CCDC138: variants seen among roughly 807,000 people sequenced by gnomAD.
CCDC138 encodes the protein coiled-coil domain-containing protein 138.
Under a neutral mutation model 82.3 loss-of-function variants are expected in CCDC138, and 66 were observed. The observed-to-expected ratio is 0.80, with a 90% CI of 0.66 to 0.98. CCDC138 has a LOEUF of 0.98. Ranked by LOEUF, CCDC138 falls within the 50% of genes least tolerant of loss-of-function variation. CCDC138 has a pLI of 0.00. For synonymous variants in CCDC138, 297 were observed against 265.4 expected, an observed-to-expected ratio of 1.12 and a Z score of -1.16; for missense variants, 816 against 758.9, an observed-to-expected ratio of 1.08 and a Z score of -0.88.
intron 12 of CCDC138, among the ~76,000 whole-genome samples, chr2:108,855,139 T>A (rs1692366367): frequency 6.6e-6 from 1 of 152,196 alleles, no homozygotes; most frequent in Non-Finnish European, 1.5e-5. Flanking sequence ...TAAATTGCTC[T>A]TGTATTTAGA....
chr2:108,812,672 G>A lies in CCDC138; in HGVS notation c.897G>A (p.Gln299=). The A allele has an allele frequency of 1.2e-6, 2 of 1,613,018 alleles. No homozygotes were observed. The highest frequency in any genetic ancestry group is 1.7e-6 in the Non-Finnish European group (2 of 1,179,098). The change falls in exon 8 of 15, where the codon CAG becomes CAA. Residue 299 remains glutamine (Q), a synonymous_variant. Transcript: ENST00000295124. ...ASEENRKIDI[Q]AKRVQARLDN... ...AAGAAAACAGGAAGATAGACATTCA[G>A]GCTAAAAGAGTTCAAGCTCGTTTAG...
chr2:108,852,321 A>G (rs1193002659), intron 12 of CCDC138, among the ~76,000 whole-genome samples: 2 of 152,234 alleles, frequency 1.3e-5, no homozygotes, highest in Admixed American at 1.3e-4. Flanking sequence ...AAATTAGTTC[A>G]GCCATTGTGG....
At chr2:108,802,839 AGG>A (rs1306199248) in intron 6 of CCDC138, among the ~76,000 whole-genome samples, 2 of 152,156 alleles carry the variant, frequency 1.3e-5, no homozygotes, top group African/African-American at 2.4e-5. Context: ...TTCAGCATGA[AGG>A]GTTGTTGAAT....
At chr2:108,812,570 C>T in intron 7 of CCDC138, 61 bp from the exon 8 acceptor site, 1 of 1,241,754 alleles carries the variant, frequency 8.1e-7, no homozygotes, top group Non-Finnish European at 1.2e-6. Flanking sequence ...GATTGGGAAA[C>T]CCTTAGTATG....
chr2:108,819,134 G>A (rs780440295), intron 10 of CCDC138, among the ~76,000 whole-genome samples: 40 of 152,206 alleles, frequency 2.6e-4, no homozygotes, highest in Non-Finnish European at 4.7e-4. Flanking sequence ...GAAACACCAA[G>A]TTAATTGCAA....
intron 5 of CCDC138, 148 bp from the exon 6 acceptor site, chr2:108,798,280 C>A: frequency 1.5e-6 from 1 of 683,130 alleles, no homozygotes; most frequent in Non-Finnish European, 2.5e-6. Context: ...ACTTGCTATA[C>A]TAGTCTAGCT....
At chr2:108,868,800 A>AG (rs1457423046) in intron 13 of CCDC138, among the ~76,000 whole-genome samples, 3 of 152,202 alleles carry the variant, frequency 2.0e-5, no homozygotes, top group African/African-American at 7.2e-5. Context: ...GAAAACTTGA[A>AG]GAAAAAAAAG....
At chr2:108,833,245 CTT>C (rs369334789) in intron 10 of CCDC138, among the ~76,000 whole-genome samples, 18 of 152,222 alleles carry the variant, frequency 1.2e-4, no homozygotes, top group African/African-American at 4.3e-4. Context: ...AAACTATAGA[CTT>C]TAGTTAATCA....
Position 108,815,926 on chromosome 2 carries a change from A to G in CCDC138, c.1042-15A>G, listed in dbSNP as rs1221638291. 1 of 1,580,916 alleles carries G rather than the reference A, an allele frequency of 6.3e-7. No individual in the cohort carries two copies. The highest frequency in any genetic ancestry group is 2.0e-5 in the Admixed American group (1 of 51,166). On this transcript the variant is annotated splice_polypyrimidine_tract_variant and intron_variant, in intron 9 of 14. Coordinates refer to ENST00000295124, the MANE Select transcript of CCDC138 (RefSeq NM_144978.3). ...GTTGTGAACTGAAATAAATGATTTA[A>G]TTTTTGACATATAGGTACCACTTAA...
At chr2:108,844,157 A>G (rs193121706) in intron 11 of CCDC138, among the ~76,000 whole-genome samples, 4 of 151,456 alleles carry the variant, frequency 2.6e-5, no homozygotes, top group Admixed American at 6.6e-5. Context: ...CACCGCCCCC[A>G]GTTTCTTCAA....
intron 10 of CCDC138, among the ~76,000 whole-genome samples, chr2:108,823,802 C>T (rs1686106544): frequency 6.6e-6 from 1 of 152,114 alleles, no homozygotes; most frequent in Non-Finnish European, 1.5e-5. Context: ...CAATGTGAAA[C>T]TCCGTTTTTA....
Position 108,846,751 on chromosome 2 carries a change from C to T in CCDC138, c.1337C>T (p.Thr446Ile). ...LDAGAQHSTM[T>I]STLRRLGEDI... is the part of the protein sequence containing the mutation. ...TATTTTTAACAGCACTCGACTATGA[C>T]ATCAACATTGAGGAGATTGGGTGAA... The change falls in exon 12 of 15, where the codon ACA (threonine) becomes ATA (isoleucine). Residue 446 changes from threonine to isoleucine, a missense_variant. Coordinates refer to ENST00000295124, the MANE Select transcript of CCDC138 (RefSeq NM_144978.3). 4 of 1,609,728 alleles carry T rather than the reference C, an allele frequency of 2.5e-6. No individual in the cohort carries two copies. The highest frequency in any genetic ancestry group is 3.4e-6 in the Non-Finnish European group (4 of 1,177,876).
chr2:108,794,784 C>T lies in CCDC138; in HGVS notation c.576+63C>T, dbSNP rs1232511670. 2.3e-5 allele frequency: 28 copies of T among 1,230,716 alleles called. No homozygotes were observed. In the East Asian group the frequency reaches 2.7e-4, roughly 12 times the overall value. The allele number at this position is 1,230,716 out of a possible 1,614,324, so 76.2% of individuals were successfully genotyped here. The stretch of plus-strand genomic sequence containing the variant: ...TTATGTTCTAAGAACCAAGCATTTA[C>T]GAAATTTGAATATAATATATTTCAT... On this transcript the variant is annotated intron_variant, in intron 5 of 14. Transcript: ENST00000295124.
rs1326735532 is a variant in CCDC138, at chr2:108,788,864, T to G, written c.164T>G (p.Ile55Ser). 1 of 1,614,112 alleles carries G rather than the reference T, an allele frequency of 6.2e-7. No homozygotes were observed. The highest frequency in any genetic ancestry group is 8.5e-7 in the Non-Finnish European group (1 of 1,179,948). ...RTLTSPGDLD[I>S]YSGDKVGSSL... Reference sequence around the variant, plus strand: ...TTGTCGTTGACAGGTGATTTGGATATCTACTCTGGAGATAAAGTTGGTTCA... The same window carrying G: ...TTGTCGTTGACAGGTGATTTGGATAGCTACTCTGGAGATAAAGTTGGTTCA... The change falls in exon 3 of 15, where the codon ATC becomes AGC. Residue 55 changes from isoleucine (I) to serine (S), a missense_variant. Transcript: ENST00000295124.
rs771770692 is a variant in CCDC138, at chr2:108,846,809, T to A, written c.1395T>A (p.Ile465=). Residue 465 remains isoleucine (I), a synonymous_variant, in exon 12 of 15, where the codon ATT becomes ATA. Coordinates refer to ENST00000295124, the MANE Select transcript of CCDC138 (RefSeq NM_144978.3). ...TTAAAGGAGTGGTAACTAAAGGAAT[T>A]CAGGATAATTCTCCACAGCATTCTG... The part of the protein sequence containing the change: ...DIFKGVVTKG[I]QDNSPQHSVE... The A allele has an allele frequency of 6.2e-7, 1 of 1,612,598 alleles. No individual in the cohort carries two copies. The highest frequency in any genetic ancestry group is 8.5e-7 in the Non-Finnish European group (1 of 1,178,756).
chr2:108,853,898 T>A, intron 12 of CCDC138, among the ~76,000 whole-genome samples: 1 of 119,744 alleles, frequency 8.4e-6, no homozygotes, highest in African/African-American at 3.6e-5. Context: ...ATAGTATATA[T>A]ATTATATATT....
chr2:108,848,685 T>G (rs1398222311), intron 12 of CCDC138, among the ~76,000 whole-genome samples: 2 of 152,186 alleles, frequency 1.3e-5, no homozygotes, highest in Non-Finnish European at 2.9e-5. Flanking sequence ...ATGCGATGAT[T>G]TATAACAAGT....
intron 7 of CCDC138, among the ~76,000 whole-genome samples, chr2:108,809,448 T>TTTTG (rs869060860): frequency 1.6e-3 from 232 of 141,226 alleles, no homozygotes; most frequent in Non-Finnish European, 2.7e-3. Context: ...ACATGAAATG[T>TTTTG]TGTGTGTGTG....
chr2:108,817,516 C>G (rs1357353900), intron 10 of CCDC138, among the ~76,000 whole-genome samples: 1 of 152,084 alleles, frequency 6.6e-6, no homozygotes, highest in Non-Finnish European at 1.5e-5. Context: ...TAGTCTTGAT[C>G]TCTCGACCTC....
Sources: gnomAD v4.1 joint callset for allele counts (sites outside exome capture counted in the v4.1 genomes callset) on GRCh38, gnomAD v4.1.1 for gene constraint, MANE v1.5 for transcripts, NCBI Gene and HGNC (gene_info 2026-07-23, HGNC 2026-07-21) for gene names.